GALNT11: variants seen among roughly 807,000 people sequenced by gnomAD.
GALNT11 encodes the protein UDP-GalNAc:polypeptide N-acetylgalactosaminyltransferase 11.
In GALNT11, 47 loss-of-function variants were observed where a neutral mutation model predicts 72.7. That is an observed-to-expected ratio of 0.65 (90% CI 0.51 to 0.82). The LOEUF is 0.82. Ranked by LOEUF, GALNT11 falls within the 40% of genes least tolerant of loss-of-function variation. The pLI, the probability that GALNT11 is intolerant of heterozygous loss-of-function variation, is 0.00. For synonymous variants in GALNT11, 270 were observed against 286.6 expected (o/e 0.94, Z 0.58); for missense variants, 677 against 778.4 (o/e 0.87, Z 1.55).
intron 1 of GALNT11, among the ~76,000 whole-genome samples, chr7:152,052,185 C>G (rs2083438030): frequency 6.6e-6 from 1 of 152,028 alleles, no homozygotes; most frequent in Non-Finnish European, 1.5e-5. Context: ...ATGCATTATA[C>G]TTCATTCTTT....
intron 1 of GALNT11, among the ~76,000 whole-genome samples, chr7:152,093,708 C>A (rs1055601358): frequency 2.0e-5 from 3 of 152,150 alleles, no homozygotes; most frequent in African/African-American, 7.2e-5. Flanking sequence ...GGATTACAAT[C>A]ATGAGCCACC....
At position 152,048,021 on chromosome 7, in the gene GALNT11, T is replaced by C. The variant is rs573206210; in HGVS notation, c.-39+22137T>C. ...CTGAGTTTTGTACCTTCAGACACTT[T>C]CTTATTGTGCATTAATGTCCTTTTC... On this transcript the variant is annotated intron_variant, in intron 1 of 11. Coordinates refer to ENST00000430044, the MANE Select transcript of GALNT11 (RefSeq NM_022087.4). 3.2e-4 allele frequency among the ~76,000 whole-genome samples: 48 copies of C among 152,168 alleles called. 1 individual carries two copies. In the South Asian group the frequency reaches 9.9e-3, roughly 32 times the overall value.
At chr7:152,068,135 G>GC (rs961154527) in intron 1 of GALNT11, among the ~76,000 whole-genome samples, 1 of 151,998 alleles carries the variant, frequency 6.6e-6, no homozygotes, top group Admixed American at 6.6e-5. Flanking sequence ...CACAGAAGTT[G>GC]CCCTGCCCTA....
chr7:152,036,347 TTC>T (rs1407068928), intron 1 of GALNT11, among the ~76,000 whole-genome samples: 1 of 152,244 alleles, frequency 6.6e-6, no homozygotes, highest in African/African-American at 2.4e-5. Flanking sequence ...AAGTTTGTCA[TTC>T]TGTGTACCTG....
intron 1 of GALNT11, among the ~76,000 whole-genome samples, chr7:152,093,054 C>G (rs959642937): frequency 6.6e-6 from 1 of 152,180 alleles, no homozygotes; most frequent in South Asian, 2.1e-4. Flanking sequence ...CATGGTGAAA[C>G]CCCATCTCTA....
At position 152,094,035 on chromosome 7, in the gene GALNT11, A is replaced by C; in HGVS notation, c.-38-155A>C. ...GTTTTCATTGTTGAACCCTTTTTAA[A>C]AACTCAGTACTATCCATACATCTTC... On this transcript the variant is annotated intron_variant, in intron 1 of 11. Transcript: ENST00000430044. The surrounding 1 kb of genome is among the most constrained non-coding windows in gnomAD (Gnocchi z 4.3). 2 of 573,250 alleles carry C rather than the reference A, an allele frequency of 3.5e-6. No individual in the cohort carries two copies. Among genetic ancestry groups the C allele is most frequent in the Non-Finnish European group, 5.6e-6 (2 of 355,078 alleles). 35.5% of individuals were successfully genotyped at this position (573,250 alleles called of 1,614,324 possible).
At chr7:152,091,048 T>G (rs1440971139) in intron 1 of GALNT11, among the ~76,000 whole-genome samples, 1 of 151,650 alleles carries the variant, frequency 6.6e-6, no homozygotes, top group Non-Finnish European at 1.5e-5. Context: ...TTTTTGTTGT[T>G]GTTGTTGTTG....
chr7:152,101,599 AT>A (rs2086891252), intron 3 of GALNT11, among the ~76,000 whole-genome samples: 1 of 138,008 alleles, frequency 7.2e-6, no homozygotes. Context: ...CTGGGAAAGA[AT>A]TCAGGGTTCT....
intron 1 of GALNT11, among the ~76,000 whole-genome samples, chr7:152,029,493 T>C (rs1047444291): frequency 2.6e-5 from 4 of 152,246 alleles, no homozygotes; most frequent in Non-Finnish European, 4.4e-5. Flanking sequence ...TTTACACTGT[T>C]AACTTTTAGC....
intron 1 of GALNT11, among the ~76,000 whole-genome samples, chr7:152,052,614 C>T (rs1293437361): frequency 6.6e-6 from 1 of 152,164 alleles, no homozygotes; most frequent in African/African-American, 2.4e-5. Flanking sequence ...TTTGTGGCAC[C>T]TCACATTGCT....
chr7:152,111,011 A>G (rs895785595), intron 7 of GALNT11, among the ~76,000 whole-genome samples: 2 of 151,652 alleles, frequency 1.3e-5, no homozygotes, highest in African/African-American at 4.8e-5. Context: ...TTTATTGACA[A>G]ATTGTCCTTA....
chr7:152,060,763 G>A (rs2083961283), intron 1 of GALNT11, among the ~76,000 whole-genome samples: 1 of 151,996 alleles, frequency 6.6e-6, no homozygotes, highest in Non-Finnish European at 1.5e-5. Context: ...TGAGAATGAT[G>A]GTTTCCAGCT....
intron 1 of GALNT11, among the ~76,000 whole-genome samples, chr7:152,035,619 A>G (rs1356497727): frequency 6.6e-6 from 1 of 152,214 alleles, no homozygotes; most frequent in Non-Finnish European, 1.5e-5. Flanking sequence ...CAACACTCCC[A>G]ACTCCGAAGA....
intron 1 of GALNT11, among the ~76,000 whole-genome samples, chr7:152,073,661 T>A (rs1405461366): frequency 6.6e-6 from 1 of 152,190 alleles, no homozygotes; most frequent in Non-Finnish European, 1.5e-5. Context: ...AAATGCCCAG[T>A]AGTGGGATTG....
chr7:152,035,301 G>C (rs1448293885), intron 1 of GALNT11, among the ~76,000 whole-genome samples: 2 of 152,158 alleles, frequency 1.3e-5, no homozygotes, highest in East Asian at 3.9e-4. Flanking sequence ...TACTAGAAAT[G>C]ATTCTTACAG....
intron 4 of GALNT11, chr7:152,103,655 T>C (rs2087212232): frequency 5.5e-6 from 1 of 181,700 alleles, no homozygotes; most frequent in Admixed American, 5.3e-5. Context: ...TGGTCCAGGG[T>C]CATTCTGTCA....
At chr7:152,072,860 G>T (rs2084740073) in intron 1 of GALNT11, among the ~76,000 whole-genome samples, 1 of 152,214 alleles carries the variant, frequency 6.6e-6, no homozygotes, top group Non-Finnish European at 1.5e-5. Context: ...GCTTGTGGCA[G>T]GATTGCTGAC....
At chr7:152,089,291 A>G (rs1007303677) in intron 1 of GALNT11, among the ~76,000 whole-genome samples, 1 of 152,178 alleles carries the variant, frequency 6.6e-6, no homozygotes, top group Non-Finnish European at 1.5e-5. Context: ...CAAAAAAACA[A>G]TCTTAGGTTT....
intron 1 of GALNT11, among the ~76,000 whole-genome samples, chr7:152,088,771 G>A (rs567726106): frequency 7.2e-5 from 11 of 152,192 alleles, no homozygotes; most frequent in African/African-American, 2.6e-4. Flanking sequence ...GTACTACAGG[G>A]CATCCAGGTT....
Sources: allele counts gnomAD v4.1 joint callset (sites outside exome capture counted in the v4.1 genomes callset), GRCh38; gene constraint gnomAD v4.1.1; non-coding constraint Gnocchi (gnomAD v3.1); transcripts MANE v1.5; gene names NCBI Gene and HGNC (gene_info 2026-07-23, HGNC 2026-07-21).